Variants in NTRK2 observed in about 807,000 individuals in gnomAD.
NTRK2 encodes the protein BDNF/NT-3 growth factors receptor.
A neutral mutation model predicts 94.5 loss-of-function variants in NTRK2; 13 were observed. That is an observed-to-expected ratio of 0.14 (90% CI 0.09 to 0.22). The LOEUF (loss-of-function observed/expected upper bound fraction) is 0.22. Among genes scored for constraint, NTRK2 ranks in the 10% least tolerant of loss-of-function variants. The pLI is 1.00. For missense variants in NTRK2, 639 were observed against 1,071.2 expected, an observed-to-expected ratio of 0.60 and a Z score of 5.63; for synonymous variants, 372 against 407.4, an observed-to-expected ratio of 0.91 and a Z score of 1.05.
chr9:84,802,032 A>G (rs1187279), intron 12 of NTRK2, among the ~76,000 whole-genome samples: 111,892 of 152,190 alleles, frequency 0.74, 42,211 homozygotes, highest in Admixed American at 0.84. Flanking sequence ...AATTTGCATC[A>G]GGTTATGAAG....
intron 17 of NTRK2, among the ~76,000 whole-genome samples, chr9:84,965,905 A>G (rs1825500036): frequency 6.6e-6 from 1 of 152,190 alleles, no homozygotes; most frequent in Non-Finnish European, 1.5e-5. Flanking sequence ...ATGTCTATGT[A>G]TGAGAGACTA....
At chr9:84,968,063 T>C (rs1014678066) in intron 17 of NTRK2, among the ~76,000 whole-genome samples, 1 of 152,212 alleles carries the variant, frequency 6.6e-6, no homozygotes, top group African/African-American at 2.4e-5. Context: ...AAGACTGACA[T>C]ACCTGGCCTC....
At chr9:84,695,583 A>G (rs950892888) in intron 2 of NTRK2, among the ~76,000 whole-genome samples, 1 of 152,188 alleles carries the variant, frequency 6.6e-6, no homozygotes, top group African/African-American at 2.4e-5. Context: ...CTGAATGTCA[A>G]ATTGAGACTG....
At position 84,683,156 on chromosome 9, in the gene NTRK2, T is replaced by TTG. The variant is rs368529901; in HGVS notation, c.212+12212_212+12213dup. ...AGGAAAATTGCAAGATATTTGTGAT[T>TTG]TGTGTGTGTGTGTGTGTTTTCTTGT... On this transcript the variant is annotated intron_variant, in intron 2 of 18. Transcript: ENST00000277120. Among the ~76,000 whole-genome samples, 769 of 151,732 alleles carry TTG rather than the reference T, an allele frequency of 5.1e-3. 3 individuals carry two copies. The highest frequency in any genetic ancestry group is 0.017 in the African/African-American group (704 of 41,402).
chr9:84,701,713 G>A (rs1200268857), intron 2 of NTRK2, among the ~76,000 whole-genome samples: 1 of 152,212 alleles, frequency 6.6e-6, no homozygotes, highest in East Asian at 1.9e-4. Flanking sequence ...ATTTTAGGAG[G>A]TAAAGGAGGG....
intron 12 of NTRK2, among the ~76,000 whole-genome samples, chr9:84,850,151 G>A (rs1264706641): frequency 6.6e-6 from 1 of 151,966 alleles, no homozygotes; most frequent in Non-Finnish European, 1.5e-5. Context: ...TGTGAATTTT[G>A]TTGAATAAAT....
chr9:84,908,957 AAC>A (rs1358243753), intron 14 of NTRK2, among the ~76,000 whole-genome samples: 1 of 152,150 alleles, frequency 6.6e-6, no homozygotes, highest in Non-Finnish European at 1.5e-5. Context: ...CCCCAATAGT[AAC>A]ACCTTGTAAA....
At chr9:85,006,844 C>A (rs950125692) in intron 17 of NTRK2, among the ~76,000 whole-genome samples, 1 of 152,190 alleles carries the variant, frequency 6.6e-6, no homozygotes, top group East Asian at 1.9e-4. Context: ...CAGCTACTGT[C>A]CATTTTGCCT....
intron 12 of NTRK2, among the ~76,000 whole-genome samples, chr9:84,762,812 T>C (rs552500918): frequency 6.6e-6 from 1 of 152,188 alleles, no homozygotes; most frequent in Non-Finnish European, 1.5e-5. Context: ...TTCCACACTT[T>C]CTCTGTCACT....
chr9:84,722,438 T>A (rs1238827996), intron 6 of NTRK2, among the ~76,000 whole-genome samples: 1 of 151,864 alleles, frequency 6.6e-6, no homozygotes, highest in Admixed American at 6.6e-5. Flanking sequence ...AGACGAAGGG[T>A]CAGATATTGC....
At chr9:84,814,021 T>C in intron 12 of NTRK2, 1 of 1,065,192 alleles carries the variant, frequency 9.4e-7, no homozygotes, top group Non-Finnish European at 1.1e-6. Flanking sequence ...AAGGTTCATC[T>C]CACAACAGGA....
rs562875058 is a variant in NTRK2, at chr9:84,925,201, C to CTTTTTTTT, written c.1634-8954_1634-8947dup. Among the ~76,000 whole-genome samples, 795 of 141,192 alleles carry CTTTTTTTT rather than the reference C, an allele frequency of 5.6e-3. 6 individuals carry two copies. The highest frequency in any genetic ancestry group is 0.032 in the Admixed American group (439 of 13,884). 92.6% of individuals were successfully genotyped at this position (141,192 alleles called of 152,430 possible). A position where few individuals can be genotyped will look rare whatever the true frequency, so the allele number is the denominator to read the frequency against. On this transcript the variant is annotated intron_variant, in intron 14 of 18. Transcript: ENST00000277120. ...CTCTGCCTTCTTCTCTTCTCTTCTT[C>CTTTTTTTT]TTTTTTTTTTTTTTGGAGCTATTTT...
chr9:84,797,022 A>T (rs749739558), intron 12 of NTRK2, among the ~76,000 whole-genome samples: 4 of 152,222 alleles, frequency 2.6e-5, no homozygotes, highest in Non-Finnish European at 5.9e-5. Flanking sequence ...TCATAAATTC[A>T]CACTGGCTTT....
intron 17 of NTRK2, among the ~76,000 whole-genome samples, chr9:85,015,409 C>T (rs1832107744): frequency 6.6e-6 from 1 of 152,162 alleles, no homozygotes; most frequent in African/African-American, 2.4e-5. Flanking sequence ...TTCCATCTGT[C>T]TCATCTAAGG....
At chr9:84,830,112 C>T (rs1413300800) in intron 12 of NTRK2, among the ~76,000 whole-genome samples, 2 of 152,150 alleles carry the variant, frequency 1.3e-5, no homozygotes. Flanking sequence ...GACATGTTGG[C>T]ATTCATGTAG....
chr9:84,675,517 C>T (rs372059678), intron 2 of NTRK2, among the ~76,000 whole-genome samples: 1 of 151,854 alleles, frequency 6.6e-6, no homozygotes, highest in Non-Finnish European at 1.5e-5. Context: ...AAAGCTATAG[C>T]GTAGGATGTG....
chr9:84,871,940 G>A lies in NTRK2; in HGVS notation c.1633+4509G>A, dbSNP rs201874404. The A allele has an allele frequency of 2.6e-5, 41 of 1,602,356 alleles. No individual in the cohort carries two copies. The Admixed American group carries it at 5.7e-4, about 22-fold the overall frequency. On this transcript the variant is annotated intron_variant, in intron 14 of 18. Transcript: ENST00000277120. Reference sequence around the variant, plus strand: ...AATTCTGGCCAGACAACATCTTGACGTCACTCCTTAGCTTCCATAACCTAG... The same window carrying A: ...AATTCTGGCCAGACAACATCTTGACATCACTCCTTAGCTTCCATAACCTAG...
intron 6 of NTRK2, among the ~76,000 whole-genome samples, chr9:84,718,102 T>C (rs2061828181): frequency 1.3e-5 from 2 of 152,062 alleles, no homozygotes; most frequent in South Asian, 4.2e-4. Context: ...TGGATTTTTT[T>C]CCCTCTAGAA....
intron 14 of NTRK2, among the ~76,000 whole-genome samples, chr9:84,890,257 A>G (rs12685376): frequency 0.048 from 7,275 of 152,216 alleles, 391 homozygotes; most frequent in East Asian, 0.18. Flanking sequence ...TCAATAAAAC[A>G]TGGTGGTGAT....
Sources: gnomAD v4.1 joint callset for allele counts (sites outside exome capture counted in the v4.1 genomes callset) on GRCh38, gnomAD v4.1.1 for gene constraint, MANE v1.5 for transcripts, NCBI Gene and HGNC (gene_info 2026-07-23, HGNC 2026-07-21) for gene names.